Variants in NCAM2 observed in about 807,000 individuals in gnomAD.
NCAM2 encodes the protein neural cell adhesion molecule 2, also known as N-CAM-2.
In NCAM2, 30 loss-of-function variants were observed where a neutral mutation model predicts 98.1. That is an observed-to-expected ratio of 0.31 (90% CI 0.23 to 0.41). The LOEUF is 0.41. Among genes scored for constraint, NCAM2 ranks in the 10% least tolerant of loss-of-function variants. The pLI is 1.00. For missense variants in NCAM2, 867 were observed against 1,005.8 expected (o/e 0.86, Z 1.87); for synonymous variants, 368 against 342.4 (o/e 1.07, Z -0.83).
intron 15 of NCAM2, among the ~76,000 whole-genome samples, chr21:21,503,443 T>C (rs1193956585): frequency 6.6e-6 from 1 of 151,694 alleles, no homozygotes; most frequent in Non-Finnish European, 1.5e-5. Context: ...ATAGACATGC[T>C]GGATAAAGGG....
chr21:21,408,616 G>A (rs1449604683), intron 9 of NCAM2, among the ~76,000 whole-genome samples: 2 of 151,916 alleles, frequency 1.3e-5, no homozygotes, highest in East Asian at 1.9e-4. Flanking sequence ...ATTTGATTGG[G>A]CATATAATAG....
chr21:21,274,525 T>C (rs1298548881), intron 1 of NCAM2, among the ~76,000 whole-genome samples: 1 of 152,116 alleles, frequency 6.6e-6, no homozygotes, highest in Non-Finnish European at 1.5e-5. Context: ...AAAAATCCAA[T>C]AACAAGGAGA....
chr21:21,115,013 G>T (rs1485637079), intron 1 of NCAM2, among the ~76,000 whole-genome samples: 1 of 151,916 alleles, frequency 6.6e-6, no homozygotes, highest in Non-Finnish European at 1.5e-5. Flanking sequence ...TAGAGACGGG[G>T]TTTCACCATG....
In NCAM2 at chr21:21,477,450, C is replaced by A; in HGVS notation, c.2056C>A (p.Pro686Thr). The change falls in exon 15 of 18, where the codon CCA becomes ACA. Residue 686 changes from proline (P) to threonine (T), a missense_variant. Coordinates refer to ENST00000400546, the MANE Select transcript of NCAM2 (RefSeq NM_004540.5). ...EPTVYEFSMP[P>T]KPNIIKDTLF... is the part of the protein sequence containing the mutation. ...GACAGTTTATGAATTCAGCATGCCA[C>A]CAAAGCCCAACATTATTAAAGGTAA... The A allele has an allele frequency of 6.2e-7, 1 of 1,600,228 alleles. No homozygotes were observed. Among genetic ancestry groups the A allele is most frequent in the Non-Finnish European group, 8.5e-7 (1 of 1,171,560 alleles).
At chr21:21,149,578 C>T (rs539316265) in intron 1 of NCAM2, among the ~76,000 whole-genome samples, 2 of 152,016 alleles carry the variant, frequency 1.3e-5, no homozygotes, top group South Asian at 4.2e-4. Flanking sequence ...CCCCCCACCC[C>T]CCGACAGGGC....
At chr21:21,264,955 G>GCATGTGTATATACACATATATATTATA (rs2072094473) in intron 1 of NCAM2, among the ~76,000 whole-genome samples, 1 of 80,820 alleles carries the variant, frequency 1.2e-5, no homozygotes, top group African/African-American at 3.9e-5. Flanking sequence ...ATATATATGT[G>GCATGTGTATATACACATATATATTATA]TATGTGTATA....
intron 12 of NCAM2, among the ~76,000 whole-genome samples, chr21:21,439,530 T>G (rs1158192621): frequency 6.6e-6 from 1 of 152,196 alleles, no homozygotes; most frequent in Non-Finnish European, 1.5e-5. Flanking sequence ...AAAGTAGTGC[T>G]TTCTTGTTTT....
At chr21:21,308,725 A>G (rs576384941) in intron 5 of NCAM2, among the ~76,000 whole-genome samples, 11 of 151,874 alleles carry the variant, frequency 7.2e-5, no homozygotes, top group Non-Finnish European at 1.5e-5. Flanking sequence ...TTCCTTTGGG[A>G]CTCCAATTTC....
At chr21:21,237,509 T>C (rs143034847) in intron 1 of NCAM2, among the ~76,000 whole-genome samples, 2,701 of 152,262 alleles carry the variant, frequency 0.018, 77 homozygotes, top group African/African-American at 0.062. Context: ...GAAAAAATGT[T>C]TCTTTAAATG....
At chr21:21,364,559 T>C (rs2148009084) in intron 8 of NCAM2, among the ~76,000 whole-genome samples, 1 of 152,154 alleles carries the variant, frequency 6.6e-6, no homozygotes, top group African/African-American at 2.4e-5. Flanking sequence ...TAGCATAATG[T>C]GATTGTTTAA....
rs112724980 is a variant in NCAM2, at chr21:21,505,514, T to C, written c.2078-3337T>C. Among the ~76,000 whole-genome samples, 3 of 152,154 alleles carry C rather than the reference T, an allele frequency of 2.0e-5. 1 individual carries two copies. Among genetic ancestry groups the C allele is most frequent in the African/African-American group, 7.2e-5 (3 of 41,554 alleles). On this transcript the variant is annotated intron_variant, in intron 15 of 17. Transcript: ENST00000400546. ...CTTTTCTAAAGATAAAAATGAAGCA[T>C]ATAATTATACTAGTTTAATGCTAAA...
At chr21:21,490,806 A>G (rs1330516217) in intron 15 of NCAM2, among the ~76,000 whole-genome samples, 1 of 151,832 alleles carries the variant, frequency 6.6e-6, no homozygotes, top group Non-Finnish European at 1.5e-5. Context: ...TTTTCTTGAA[A>G]AAAAAGTATG....
Position 21,240,426 on chromosome 21 carries a change from A to C in NCAM2, c.56-40152A>C, listed in dbSNP as rs573046244. 2.6e-5 allele frequency among the ~76,000 whole-genome samples: 4 copies of C among 152,048 alleles called. No homozygotes were observed. In the South Asian group the frequency reaches 6.2e-4, roughly 24 times the overall value. ...ATTTTGCACAAATTGTTTCTGAGAA[A>C]AAAGATGGATTCTTACATAAGATTA... On this transcript the variant is annotated intron_variant, in intron 1 of 17. Transcript: ENST00000400546.
intron 1 of NCAM2, among the ~76,000 whole-genome samples, chr21:21,011,840 C>A (rs1259525555): frequency 1.3e-5 from 2 of 152,080 alleles, no homozygotes; most frequent in African/African-American, 4.8e-5. Flanking sequence ...GAGTAGATAT[C>A]TTCTAGAAGC....
At chr21:21,004,871 C>G (rs2146112310) in intron 1 of NCAM2, among the ~76,000 whole-genome samples, 1 of 152,124 alleles carries the variant, frequency 6.6e-6, no homozygotes, top group African/African-American at 2.4e-5. Flanking sequence ...GGGACATGTC[C>G]AAAGCCTAGC....
rs537484731 is a variant in NCAM2 at position 21,524,191 on chromosome 21, T to C, written c.2283-10346T>C. ...GTCAACTTCAGAGCAAGGAAAGTTA[T>C]CAGGTTTCTAAACGGGTATTACCTA... On this transcript the variant is annotated intron_variant, in intron 16 of 17. Transcript: ENST00000400546. 2.0e-5 allele frequency among the ~76,000 whole-genome samples: 3 copies of C among 152,032 alleles called. No individual in the cohort carries two copies. In the South Asian group the frequency reaches 6.2e-4, roughly 32 times the overall value.
chr21:21,305,462 A>G (rs2073851983), intron 5 of NCAM2, among the ~76,000 whole-genome samples: 1 of 152,156 alleles, frequency 6.6e-6, no homozygotes, highest in Non-Finnish European at 1.5e-5. Context: ...AAATGATACA[A>G]TTGAACACAC....
chr21:21,320,273 C>T (rs957259445), intron 5 of NCAM2, among the ~76,000 whole-genome samples: 7 of 152,188 alleles, frequency 4.6e-5, no homozygotes, highest in Admixed American at 4.6e-4. Flanking sequence ...CACTCAGCTA[C>T]ATTTGTTTAA....
intron 1 of NCAM2, among the ~76,000 whole-genome samples, chr21:21,039,410 G>A (rs577376775): frequency 2.0e-5 from 3 of 152,024 alleles, no homozygotes; most frequent in Non-Finnish European, 4.4e-5. Context: ...TAACATCAAC[G>A]CATTATATAT....
Sources: gnomAD v4.1 joint callset for allele counts (sites outside exome capture counted in the v4.1 genomes callset) on GRCh38, gnomAD v4.1.1 for gene constraint, MANE v1.5 for transcripts, NCBI Gene and HGNC (gene_info 2026-07-23, HGNC 2026-07-21) for gene names.